Variants in LINGO2 observed in about 807,000 individuals in gnomAD.
The protein encoded by LINGO2 is leucine rich repeat and Ig domain containing 2.
In LINGO2, 14 loss-of-function variants were observed where a neutral mutation model predicts 30.6. The observed-to-expected ratio is 0.46, with a 90% confidence interval of 0.30 to 0.72. LINGO2 has a LOEUF of 0.72. Ranked by LOEUF, LINGO2 falls within the 30% of genes least tolerant of loss-of-function variation. The pLI is 0.07. For missense variants in LINGO2, 729 were observed against 751.7 expected, an observed-to-expected ratio of 0.97 and a Z score of 0.35; for synonymous variants, 317 against 288.5, an observed-to-expected ratio of 1.10 and a Z score of -1.00.
the LINGO2 span, among the ~76,000 whole-genome samples, chr9:28,839,821 C>A: frequency 6.6e-6 from 1 of 152,084 alleles, no homozygotes; most frequent in Non-Finnish European, 1.5e-5. Flanking sequence ...CTCTTTTTTC[C>A]CAGAAGGCTA....
chr9:29,180,991 G>T, the LINGO2 span, among the ~76,000 whole-genome samples: 2 of 152,168 alleles, frequency 1.3e-5, no homozygotes, highest in Non-Finnish European at 2.9e-5. Flanking sequence ...TGATATGGTG[G>T]TTCTGGTTAG....
chr9:29,161,302 C>T, the LINGO2 span, among the ~76,000 whole-genome samples: 1 of 152,166 alleles, frequency 6.6e-6, no homozygotes, highest in Non-Finnish European at 1.5e-5. Context: ...TATTCACCTG[C>T]CCACAGCCCC....
rs1171412787 is a variant in LINGO2 at position 28,277,866 on chromosome 9, T to G, written c.-87+17342A>C. Among the ~76,000 whole-genome samples, 9 of 142,214 alleles carry G rather than the reference T, an allele frequency of 6.3e-5. No homozygotes were observed. The South Asian group carries it at 2.0e-3, about 32-fold the overall frequency. The allele number at this position is 142,214 out of a possible 152,430, so 93.3% of individuals were successfully genotyped here. On this transcript the variant is annotated intron_variant, in intron 4 of 5. Transcript: ENST00000379992. ...AAAAAAAAACAAAAAAAAAAACAAC[T>G]AGAAATGATCGAGCTTAGTGAGAAA...
the LINGO2 span, among the ~76,000 whole-genome samples, chr9:29,188,783 A>T: frequency 7.1e-6 from 1 of 141,002 alleles, no homozygotes; most frequent in Admixed American, 7.0e-5. Flanking sequence ...GCGGCCGGGC[A>T]GAGGCGCCCC....
At chr9:28,839,301 T>C in the LINGO2 span, among the ~76,000 whole-genome samples, 1 of 151,612 alleles carries the variant, frequency 6.6e-6, no homozygotes, top group Non-Finnish European at 1.5e-5. Flanking sequence ...AACTGGAGGG[T>C]GAATAAGGTG....
intron 4 of LINGO2, among the ~76,000 whole-genome samples, chr9:28,084,771 G>A (rs1176264453): frequency 6.6e-6 from 1 of 152,126 alleles, no homozygotes; most frequent in African/African-American, 2.4e-5. Flanking sequence ...GTACCTAGTA[G>A]ATGTTTCATC....
chr9:28,166,468 T>A (rs1332111829), intron 4 of LINGO2, among the ~76,000 whole-genome samples: 1 of 152,236 alleles, frequency 6.6e-6, no homozygotes, highest in Admixed American at 6.5e-5. Context: ...ACTGGAGGGA[T>A]GATCTTTTTG....
At chr9:28,632,869 TATATATATATGTAGAGAG>T (rs1827054202) in intron 1 of LINGO2, among the ~76,000 whole-genome samples, 2 of 110,978 alleles carry the variant, frequency 1.8e-5, no homozygotes, top group African/African-American at 3.8e-5. Flanking sequence ...TATATATATA[TATATATATATGTAGAGAG>T]AGAGAGAGAG....
At chr9:28,776,363 T>A in the LINGO2 span, among the ~76,000 whole-genome samples, 1,305 of 152,296 alleles carry the variant, frequency 8.6e-3, 16 homozygotes, top group African/African-American at 0.029. Context: ...ACATTTTGAA[T>A]CAAAATAACT....
chr9:28,294,061 CA>C (rs1264220806), intron 4 of LINGO2, among the ~76,000 whole-genome samples: 1 of 152,112 alleles, frequency 6.6e-6, no homozygotes, highest in African/African-American at 2.4e-5. Flanking sequence ...TACACTATTT[CA>C]AAAAATTTTT....
chr9:29,108,562 T>C, the LINGO2 span, among the ~76,000 whole-genome samples: 5 of 152,204 alleles, frequency 3.3e-5, no homozygotes, highest in African/African-American at 1.2e-4. Context: ...CACAAATGCA[T>C]TGCATTATAG....
intron 1 of LINGO2, among the ~76,000 whole-genome samples, chr9:28,553,734 AG>A (rs1822457143): frequency 6.6e-6 from 1 of 151,920 alleles, no homozygotes; most frequent in African/African-American, 2.4e-5. Context: ...AAAAATGTTA[AG>A]GGCAGCCAGA....
chr9:28,751,046 C>T, the LINGO2 span, among the ~76,000 whole-genome samples: 1 of 151,790 alleles, frequency 6.6e-6, no homozygotes, highest in Non-Finnish European at 1.5e-5. Flanking sequence ...AGGAGATTCG[C>T]TTGAGAACAG....
At chr9:28,933,210 T>C in the LINGO2 span, among the ~76,000 whole-genome samples, 1 of 152,136 alleles carries the variant, frequency 6.6e-6, no homozygotes, top group South Asian at 2.1e-4. Context: ...CCCAGCCTAC[T>C]TATCTCATTC....
the LINGO2 span, among the ~76,000 whole-genome samples, chr9:29,181,018 G>A: frequency 2.0e-5 from 3 of 152,134 alleles, no homozygotes; most frequent in African/African-American, 7.2e-5. Flanking sequence ...CTCCTTAAAT[G>A]CAAGATCAAC....
At chr9:29,076,212 G>T in the LINGO2 span, among the ~76,000 whole-genome samples, 2 of 152,066 alleles carry the variant, frequency 1.3e-5, no homozygotes, top group East Asian at 3.9e-4. Context: ...GTTCTGGGAA[G>T]ACACTTGACT....
chr9:28,825,408 G>C, the LINGO2 span, among the ~76,000 whole-genome samples: 2 of 144,090 alleles, frequency 1.4e-5, no homozygotes, highest in African/African-American at 2.4e-5. Context: ...TGGCAAGCAG[G>C]AGTCGAATTG....
At chr9:28,638,553 GGTATGT>G (rs1311439513) in intron 1 of LINGO2, among the ~76,000 whole-genome samples, 1 of 151,888 alleles carries the variant, frequency 6.6e-6, no homozygotes, top group Non-Finnish European at 1.5e-5. Context: ...CTTGGGAGGG[GGTATGT>G]GTCGAGGAAT....
At chr9:29,069,414 T>A in the LINGO2 span, among the ~76,000 whole-genome samples, 5 of 151,378 alleles carry the variant, frequency 3.3e-5, no homozygotes, top group East Asian at 9.7e-4. Context: ...ATTAAAGGGA[T>A]ATCAATTAGT....
Sources: gnomAD v4.1 joint callset for allele counts (sites outside exome capture counted in the v4.1 genomes callset) on GRCh38, gnomAD v4.1.1 for gene constraint, MANE v1.5 for transcripts, NCBI Gene and HGNC (gene_info 2026-07-23, HGNC 2026-07-21) for gene names.